ACOXL: variants seen among roughly 807,000 people sequenced by gnomAD.
ACOXL encodes acyl-coenzyme A oxidase-like protein.
ACOXL carries 70 observed loss-of-function variants against 71.9 expected under a neutral mutation model. The observed-to-expected ratio is 0.97, with a 90% CI of 0.80 to 1.19. ACOXL has a LOEUF of 1.19. Among genes scored for constraint, ACOXL ranks in the 50% most tolerant of loss-of-function variants. The pLI, the probability that ACOXL is intolerant of heterozygous loss-of-function variation, is 0.00. For missense variants in ACOXL, 703 were observed against 736.3 expected (o/e 0.95, Z 0.52); for synonymous variants, 253 against 281.6 (o/e 0.90, Z 1.02).
chr2:110,929,913 G>A (rs562674832), intron 11 of ACOXL, among the ~76,000 whole-genome samples: 20 of 152,382 alleles, frequency 1.3e-4, no homozygotes, highest in Admixed American at 1.3e-3. Context: ...TTCAGAGGAT[G>A]TATGGAAATG....
At chr2:110,953,331 CAT>C (rs34907551) in intron 12 of ACOXL, among the ~76,000 whole-genome samples, 26,488 of 148,890 alleles carry the variant, frequency 0.18, 2,594 homozygotes, top group African/African-American at 0.24. Flanking sequence ...TACTTTTATA[CAT>C]ATATATATAT....
intron 10 of ACOXL, among the ~76,000 whole-genome samples, chr2:110,859,977 A>G (rs1433767906): frequency 6.6e-6 from 1 of 152,032 alleles, no homozygotes; most frequent in East Asian, 1.9e-4. Flanking sequence ...GGTTCTCACA[A>G]CCTGCCTACT....
chr2:110,904,922 A>G (rs908417833), intron 10 of ACOXL, among the ~76,000 whole-genome samples: 3 of 152,026 alleles, frequency 2.0e-5, no homozygotes, highest in Admixed American at 6.5e-5. Context: ...AGCAGCGGGA[A>G]TGGGGTCCTG....
intron 17 of ACOXL, among the ~76,000 whole-genome samples, chr2:111,108,760 A>T (rs1308105201): frequency 3.3e-5 from 5 of 152,256 alleles, no homozygotes; most frequent in African/African-American, 1.2e-4. Context: ...CATGTTAAAG[A>T]AAGTGTCCAT....
At chr2:110,870,675 T>G (rs925546290) in intron 10 of ACOXL, among the ~76,000 whole-genome samples, 1 of 152,184 alleles carries the variant, frequency 6.6e-6, no homozygotes, top group Non-Finnish European at 1.5e-5. Flanking sequence ...GTACACCTGG[T>G]CACCACCCAC....
chr2:110,905,980 A>C (rs1184670474), intron 10 of ACOXL, among the ~76,000 whole-genome samples: 1 of 152,044 alleles, frequency 6.6e-6, no homozygotes, highest in South Asian at 2.1e-4. Flanking sequence ...TGTGGGGTCA[A>C]AGAGGAACTG....
chr2:111,084,597 T>C (rs186281983), intron 16 of ACOXL, among the ~76,000 whole-genome samples: 21 of 152,304 alleles, frequency 1.4e-4, no homozygotes, highest in Admixed American at 8.5e-4. Flanking sequence ...AAAGGACTTA[T>C]GATTGACAGA....
chr2:110,877,309 C>T (rs1175737245), intron 10 of ACOXL, among the ~76,000 whole-genome samples: 4 of 152,190 alleles, frequency 2.6e-5, no homozygotes, highest in Admixed American at 1.3e-4. Context: ...GGCAGCAGGG[C>T]GTCTCTAGTC....
chr2:110,744,869 C>T lies in ACOXL; in HGVS notation c.-23+12095C>T, dbSNP rs1678002236. Among the ~76,000 whole-genome samples the T allele has an allele frequency of 3.3e-5, 5 of 152,094 alleles. 1 individual carries two copies. In the South Asian group the frequency reaches 1.0e-3, roughly 32 times the overall value. ...GAGTATGAAGCTAGCCCTGGTGCAG[C>T]CATTTTGTCATTTTGAGGGAGACCA... On this transcript the variant is annotated intron_variant, in intron 1 of 17. Transcript: ENST00000439055.
intron 5 of ACOXL, chr2:110,796,090 C>G (rs1319872589): frequency 1.3e-5 from 2 of 151,954 alleles, no homozygotes; most frequent in Admixed American, 6.6e-5. Context: ...TCTCCCTTCA[C>G]TGGGTTCTGT....
At chr2:110,979,731 G>A (rs1229394676) in intron 12 of ACOXL, among the ~76,000 whole-genome samples, 1 of 152,114 alleles carries the variant, frequency 6.6e-6, no homozygotes, top group African/African-American at 2.4e-5. Flanking sequence ...TTTCAAGGCC[G>A]GGCAGGTACC....
At chr2:110,771,545 G>A (rs996270306) in intron 2 of ACOXL, among the ~76,000 whole-genome samples, 11 of 152,200 alleles carry the variant, frequency 7.2e-5, no homozygotes, top group African/African-American at 2.4e-4. Flanking sequence ...TGGACAGTCC[G>A]CAGGCCAAGA....
chr2:110,779,887 A>G (rs1683116304), intron 2 of ACOXL, among the ~76,000 whole-genome samples: 1 of 152,252 alleles, frequency 6.6e-6, no homozygotes, highest in South Asian at 2.1e-4. Flanking sequence ...TCCTATTAGG[A>G]TAGGCAGGGG....
At chr2:110,766,062 A>G (rs1436864590) in intron 1 of ACOXL, among the ~76,000 whole-genome samples, 2 of 152,180 alleles carry the variant, frequency 1.3e-5, no homozygotes, top group Non-Finnish European at 2.9e-5. Context: ...AAGAGAAATT[A>G]TGATTACTTA....
chr2:110,959,576 G>A (rs187047629), intron 12 of ACOXL, among the ~76,000 whole-genome samples: 4 of 152,194 alleles, frequency 2.6e-5, no homozygotes, highest in Middle Eastern at 3.4e-3. Flanking sequence ...CACCTGTCCT[G>A]GTCTTTGTGA....
intron 10 of ACOXL, among the ~76,000 whole-genome samples, chr2:110,891,164 T>G (rs1448056363): frequency 6.6e-6 from 1 of 152,144 alleles, no homozygotes; most frequent in Non-Finnish European, 1.5e-5. Flanking sequence ...TCTAACTGAT[T>G]TCAGTGGATT....
At chr2:110,806,938 G>A (rs1289483265) in intron 9 of ACOXL, among the ~76,000 whole-genome samples, 1 of 152,028 alleles carries the variant, frequency 6.6e-6, no homozygotes, top group Non-Finnish European at 1.5e-5. Context: ...GGAGGGCCTT[G>A]GTTTTAAATA....
At chr2:111,084,172 A>G (rs1485290988) in intron 16 of ACOXL, among the ~76,000 whole-genome samples, 2 of 151,914 alleles carry the variant, frequency 1.3e-5, no homozygotes, top group Admixed American at 6.6e-5. Flanking sequence ...CCCAAAAAAT[A>G]AAAAACGGTT....
At chr2:111,076,664 G>T (rs1263814710) in intron 16 of ACOXL, among the ~76,000 whole-genome samples, 1 of 151,864 alleles carries the variant, frequency 6.6e-6, no homozygotes, top group Non-Finnish European at 1.5e-5. Flanking sequence ...CCTCTTACAT[G>T]TTGTGTTAGT....
Sources: gnomAD v4.1 joint callset for allele counts (sites outside exome capture counted in the v4.1 genomes callset) on GRCh38, gnomAD v4.1.1 for gene constraint, MANE v1.5 for transcripts, NCBI Gene and HGNC (gene_info 2026-07-23, HGNC 2026-07-21) for gene names.